TXNL4A: variants seen among roughly 807,000 people sequenced by gnomAD.
TXNL4A encodes the protein thioredoxin-like protein 4A.
Under a neutral mutation model 14.6 loss-of-function variants are expected in TXNL4A, and 17 were observed. The ratio of observed to expected loss-of-function variants is 1.16; its 90% CI spans 0.80 to 1.74. The LOEUF is 1.74. Ranked by LOEUF, TXNL4A falls within the 40% of genes most tolerant of loss-of-function variation. TXNL4A has a pLI of 0.00. For synonymous variants in TXNL4A, 83 were observed against 70.6 expected (o/e 1.18, Z -0.88); for missense variants, 74 against 195.2 (o/e 0.38, Z 3.70).
intron 1 of TXNL4A, among the ~76,000 whole-genome samples, chr18:80,009,281 G>A (rs2051753870): frequency 6.6e-6 from 1 of 152,218 alleles, no homozygotes; most frequent in South Asian, 2.1e-4. Flanking sequence ...GCGGACAGCA[G>A]TCAGGAAACA....
chr18:79,973,356 G>A lies in TXNL4A; in HGVS notation c.*329C>T. ...TGTTAAAGCCCAGCTCGCGGCATAT[G>A]CTGTCACCGCAGCCCCAGCAAACCA... is the stretch of plus-strand genomic sequence containing the variant. On this transcript the variant is annotated 3_prime_UTR_variant, in exon 3 of 3. Transcript: ENST00000269601. 1 of 232,722 alleles carries A rather than the reference G, an allele frequency of 4.3e-6. No homozygotes were observed. Among genetic ancestry groups the A allele is most frequent in the East Asian group, 9.5e-5 (1 of 10,562 alleles). 14.4% of individuals were successfully genotyped at this position (232,722 alleles called of 1,614,324 possible). A position where few individuals can be genotyped will look rare whatever the true frequency, so the allele number is the denominator to read the frequency against.
intron 1 of TXNL4A, among the ~76,000 whole-genome samples, chr18:79,981,676 T>TAAC (rs544066906): frequency 2.0e-5 from 3 of 152,102 alleles, no homozygotes; most frequent in Non-Finnish European, 2.9e-5. Context: ...CTTCTCAAAC[T>TAAC]AACAACAACA....
chr18:80,017,085 G>A (rs1269222708), intron 1 of TXNL4A, among the ~76,000 whole-genome samples: 1 of 148,648 alleles, frequency 6.7e-6, no homozygotes, highest in Admixed American at 6.7e-5. Flanking sequence ...CACATCCCTT[G>A]TAAGTTGGAT....
chr18:79,978,206 C>T (rs1222603288), intron 1 of TXNL4A, among the ~76,000 whole-genome samples: 2 of 152,162 alleles, frequency 1.3e-5, no homozygotes, highest in East Asian at 1.9e-4. Context: ...CTGCAGAAAA[C>T]GTCCACAGAC....
chr18:80,015,467 C>T (rs1221371454), intron 1 of TXNL4A, among the ~76,000 whole-genome samples: 2 of 151,600 alleles, frequency 1.3e-5, no homozygotes, highest in African/African-American at 4.9e-5. Flanking sequence ...CCCATTAACT[C>T]GTCATTTAGC....
chr18:80,030,803 C>T (rs2051916076), intron 1 of TXNL4A, among the ~76,000 whole-genome samples: 1 of 152,084 alleles, frequency 6.6e-6, no homozygotes, highest in Non-Finnish European at 1.5e-5. Flanking sequence ...CCTGTCTCTA[C>T]TAAAAATGCA....
intron 2 of TXNL4A, among the ~76,000 whole-genome samples, chr18:79,974,846 C>A (rs1174997207): frequency 6.6e-6 from 1 of 152,172 alleles, no homozygotes; most frequent in Non-Finnish European, 1.5e-5. Context: ...TCCAGTCCCA[C>A]CCCGGCCTGC....
intron 1 of TXNL4A, among the ~76,000 whole-genome samples, chr18:80,032,044 G>C (rs2051924605): frequency 6.6e-6 from 1 of 152,222 alleles, no homozygotes; most frequent in African/African-American, 2.4e-5. Flanking sequence ...TCTAATTCAG[G>C]AGGCAGTAAT....
At chr18:80,006,135 C>A (rs1188170250) in intron 1 of TXNL4A, among the ~76,000 whole-genome samples, 1 of 152,004 alleles carries the variant, frequency 6.6e-6, no homozygotes, top group African/African-American at 2.4e-5. Context: ...CCTGTAATCC[C>A]AGCACTTTGG....
upstream of TXNL4A, among the ~76,000 whole-genome samples, chr18:79,989,085 G>A (rs1000905073): frequency 3.3e-5 from 5 of 152,226 alleles, no homozygotes; most frequent in Non-Finnish European, 5.9e-5. Context: ...CATCAGGCCG[G>A]CTGCTGAGCT....
upstream of TXNL4A, among the ~76,000 whole-genome samples, chr18:79,991,650 C>T (rs991655519): frequency 6.6e-6 from 1 of 152,156 alleles, no homozygotes; most frequent in Non-Finnish European, 1.5e-5. Flanking sequence ...CATGTGGTAA[C>T]TGTTTAACAT....
chr18:79,990,353 A>G (rs753775111), upstream of TXNL4A, among the ~76,000 whole-genome samples: 16 of 152,256 alleles, frequency 1.1e-4, no homozygotes, highest in Non-Finnish European at 1.9e-4. Context: ...GAATATAAGC[A>G]TAGTGGTTAA....
chr18:79,976,108 C>T (rs373435585), intron 2 of TXNL4A, among the ~76,000 whole-genome samples: 6 of 152,256 alleles, frequency 3.9e-5, no homozygotes, highest in East Asian at 1.9e-4. Context: ...GAGCGTATCC[C>T]GACGCCCAGA....
chr18:79,995,554 T>C (rs1373453304), intron 1 of TXNL4A: 3 of 152,194 alleles, frequency 2.0e-5, no homozygotes, highest in African/African-American at 7.2e-5. Flanking sequence ...CAATATTAAA[T>C]GCAAATTTAT....
intron 1 of TXNL4A, among the ~76,000 whole-genome samples, chr18:79,998,089 C>T (rs2051674410): frequency 6.6e-6 from 1 of 152,012 alleles, no homozygotes; most frequent in South Asian, 2.1e-4. Context: ...GTCAGGAGAT[C>T]GAGACCATTC....
chr18:79,976,316 A>G (rs2051378796), intron 2 of TXNL4A, among the ~76,000 whole-genome samples: 1 of 152,234 alleles, frequency 6.6e-6, no homozygotes, highest in African/African-American at 2.4e-5. Flanking sequence ...CTAAAACCAG[A>G]GCATTTTCTC....
At chr18:79,978,708 A>G (rs1429141734) in intron 1 of TXNL4A, among the ~76,000 whole-genome samples, 1 of 152,058 alleles carries the variant, frequency 6.6e-6, no homozygotes, top group African/African-American at 2.4e-5. Flanking sequence ...TGCCCAGGCT[A>G]GTCTTGAACT....
intron 1 of TXNL4A, among the ~76,000 whole-genome samples, chr18:80,009,597 G>A (rs1300375187): frequency 6.6e-6 from 1 of 152,212 alleles, no homozygotes; most frequent in Non-Finnish European, 1.5e-5. Context: ...GGCAGAGATA[G>A]AGACCAAGGC....
chr18:79,974,781 T>A (rs987046461), intron 2 of TXNL4A, among the ~76,000 whole-genome samples: 3 of 152,194 alleles, frequency 2.0e-5, no homozygotes, highest in African/African-American at 7.2e-5. Context: ...GCCGGCCTGA[T>A]TATTTTTCTT....
Sources: gnomAD v4.1 joint callset for allele counts (sites outside exome capture counted in the v4.1 genomes callset) on GRCh38, gnomAD v4.1.1 for gene constraint, MANE v1.5 for transcripts, NCBI Gene and HGNC (gene_info 2026-07-23, HGNC 2026-07-21) for gene names.